FAH: variants seen among roughly 807,000 people sequenced by gnomAD.
The protein encoded by FAH is fumarylacetoacetase.
FAH carries 47 observed loss-of-function variants against 55.8 expected under a neutral mutation model. The observed-to-expected ratio is 0.84, with a 90% confidence interval of 0.67 to 1.07. The LOEUF is 1.07. FAH is among the 50% of genes least tolerant of loss of function. FAH has a pLI of 0.00. For synonymous variants in FAH, 199 were observed against 207.7 expected (o/e 0.96, Z 0.36); for missense variants, 495 against 545.9 (o/e 0.91, Z 0.93).
intron 13 of FAH, among the ~76,000 whole-genome samples, chr15:80,182,410 G>GTGGC (rs1402700808): frequency 6.6e-6 from 1 of 152,230 alleles, no homozygotes; most frequent in Non-Finnish European, 1.5e-5. Context: ...CATGCCCAGT[G>GTGGC]TGGCTGTTGG....
At chr15:80,153,302 G>A (rs1329062050) in intron 1 of FAH, among the ~76,000 whole-genome samples, 167 bp downstream of exon 1, 1 of 152,086 alleles carries the variant, frequency 6.6e-6, no homozygotes, top group Non-Finnish European at 1.5e-5. Context: ...CTCGAGTCCC[G>A]CCTCGTAACT....
chr15:80,172,974 A>G, intron 8 of FAH, 40 bp from the exon 9 acceptor site: 1 of 1,614,122 alleles, frequency 6.2e-7, no homozygotes, highest in Non-Finnish European at 8.5e-7. Context: ...AGATGCCCTG[A>G]TCAGCCTTTG....
At chr15:80,157,373 T>A (rs903216343) in intron 1 of FAH, 1 of 156,132 alleles carries the variant, frequency 6.4e-6, no homozygotes, top group Non-Finnish European at 1.4e-5. Context: ...CCCTGGGAAG[T>A]TGAGTCTGCA....
At chr15:80,170,020 T>C (rs1374698224) in intron 7 of FAH, among the ~76,000 whole-genome samples, 1 of 152,182 alleles carries the variant, frequency 6.6e-6, no homozygotes, top group Admixed American at 6.5e-5. Context: ...TCCCACCACC[T>C]GAGGATCCCT....
chr15:80,183,981 G>A (rs530283784), intron 13 of FAH, among the ~76,000 whole-genome samples: 5 of 152,300 alleles, frequency 3.3e-5, no homozygotes, highest in South Asian at 2.1e-4. Context: ...TCTCATTTCT[G>A]AGAGAGTCCA....
At chr15:80,163,246 C>T (rs953271189) in intron 5 of FAH, 2 of 152,430 alleles carry the variant, frequency 1.3e-5, no homozygotes, top group African/African-American at 4.8e-5. Context: ...ACCCAGGCTC[C>T]AGGTTCCAGG....
At chr15:80,158,011 G>A in intron 1 of FAH, 49 bp from the exon 2 acceptor site, 2 of 1,430,058 alleles carry the variant, frequency 1.4e-6, no homozygotes, top group South Asian at 1.1e-5. Context: ...AATGAGCCAA[G>A]CCCAGCCAGG....
rs796502411 is a variant in FAH, at chr15:80,181,749, A to AT, written c.1180+598dup. On this transcript the variant is annotated intron_variant, in intron 13 of 13. Transcript: ENST00000561421. Reference sequence around the variant, plus strand: ...GACTCAGTTTACCTCATCTTTAATTATTTTTTTTGTTTTTGAGTCGGAGTC... The same window carrying AT: ...GACTCAGTTTACCTCATCTTTAATTATTTTTTTTTGTTTTTGAGTCGGAGTC... Among the ~76,000 whole-genome samples the AT allele has an allele frequency of 5.3e-5, 8 of 151,686 alleles. 1 individual carries two copies. The South Asian group carries it at 6.2e-4, about 12-fold the overall frequency.
upstream of FAH, chr15:80,152,824 G>C (rs1313570850): frequency 4.1e-5 from 21 of 513,950 alleles, no homozygotes; most frequent in Non-Finnish European, 7.0e-5. Flanking sequence ...GGAGGACCTG[G>C]AGCTGGCGGG....
chr15:80,177,339 G>T, intron 10 of FAH, 198 bp from the exon 11 acceptor site: 2 of 615,260 alleles, frequency 3.3e-6, no homozygotes, highest in Non-Finnish European at 5.8e-6. Flanking sequence ...GTGGGAGGAG[G>T]AAGTGATGAC....
chr15:80,174,499 G>A (rs1161169640), intron 9 of FAH, among the ~76,000 whole-genome samples: 1 of 152,200 alleles, frequency 6.6e-6, no homozygotes, highest in Non-Finnish European at 1.5e-5. Flanking sequence ...TGTCCCGTGG[G>A]TGACTCATGT....
intron 1 of FAH, among the ~76,000 whole-genome samples, chr15:80,155,344 G>C (rs750554157): frequency 6.6e-6 from 1 of 152,172 alleles, no homozygotes; most frequent in Non-Finnish European, 1.5e-5. Flanking sequence ...GTCTGTTCTT[G>C]TGGTGAGAGA....
chr15:80,160,105 C>A lies in FAH; in HGVS notation c.314+228C>A, dbSNP rs561485449. ...GCTGCCCAAGCTAGGCCAGGCCAGGCCCATTGGCCCTCTCTCTTACTCAGG... is the reference window on the plus strand; with the variant it reads ...GCTGCCCAAGCTAGGCCAGGCCAGGACCATTGGCCCTCTCTCTTACTCAGG... On this transcript the variant is annotated intron_variant, in intron 3 of 13. Coordinates refer to ENST00000561421, the MANE Select transcript of FAH (RefSeq NM_000137.4). The A allele has an allele frequency of 2.3e-4, 145 of 644,406 alleles. No individual in the cohort carries two copies. In the Middle Eastern group the frequency reaches 2.6e-3, roughly 11 times the overall value. 39.9% of individuals were successfully genotyped at this position (644,406 alleles called of 1,614,324 possible).
intron 2 of FAH, 97 bp from the exon 3 acceptor site, chr15:80,159,659 G>T: frequency 7.0e-7 from 1 of 1,425,416 alleles, no homozygotes; most frequent in South Asian, 1.2e-5. Flanking sequence ...GGAGAGAAGT[G>T]GCAAGGGCTG....
At chr15:80,166,050 C>T (rs1019374795) in intron 5 of FAH, 1 of 152,104 alleles carries the variant, frequency 6.6e-6, no homozygotes, top group African/African-American at 2.4e-5. Flanking sequence ...AAAAACAGAA[C>T]TCAACCACCT....
chr15:80,174,074 G>A (rs1317337082), intron 9 of FAH, among the ~76,000 whole-genome samples: 1 of 152,088 alleles, frequency 6.6e-6, no homozygotes, highest in Non-Finnish European at 1.5e-5. Flanking sequence ...GAAGTCCTGT[G>A]GGGCTTTCAC....
chr15:80,180,366 C>T, intron 12 of FAH, 141 bp downstream of exon 12: 1 of 697,838 alleles, frequency 1.4e-6, no homozygotes, highest in Non-Finnish European at 2.6e-6. Context: ...TCCTCGTAGC[C>T]TTTCTCTCTG....
chr15:80,155,982 T>G, intron 1 of FAH: 1 of 472,374 alleles, frequency 2.1e-6, no homozygotes, highest in East Asian at 5.7e-5. Flanking sequence ...GCGTGACCAT[T>G]GAAGCACAGC....
intron 1 of FAH, 130 bp from the exon 2 acceptor site, chr15:80,157,930 C>A: frequency 1.4e-6 from 1 of 733,494 alleles, no homozygotes; most frequent in South Asian, 1.4e-5. Flanking sequence ...CATGGTTCTT[C>A]AGTCCGCTCT....
Sources: gnomAD v4.1 joint callset for allele counts (sites outside exome capture counted in the v4.1 genomes callset) on GRCh38, gnomAD v4.1.1 for gene constraint, MANE v1.5 for transcripts, NCBI Gene and HGNC (gene_info 2026-07-23, HGNC 2026-07-21) for gene names.